Variants in ST8SIA5 observed in about 807,000 individuals in gnomAD.
The protein encoded by ST8SIA5 is ST8 alpha-N-acetyl-neuraminide alpha-2,8-sialyltransferase 5.
A neutral mutation model predicts 40.2 loss-of-function variants in ST8SIA5; 24 were observed. That is an observed-to-expected ratio of 0.60 (90% confidence interval 0.43 to 0.84). The LOEUF (loss-of-function observed/expected upper bound fraction) is 0.84, where lower values mean the gene tolerates loss of function less well. ST8SIA5 is among the 40% of genes least tolerant of loss of function. The pLI is 0.00. For synonymous variants in ST8SIA5, 198 were observed against 201.8 expected (o/e 0.98, Z 0.16); for missense variants, 465 against 498.5 (o/e 0.93, Z 0.64).
At chr18:46,730,984 T>A (rs1452223667) in intron 1 of ST8SIA5, among the ~76,000 whole-genome samples, 1 of 152,020 alleles carries the variant, frequency 6.6e-6, no homozygotes, top group African/African-American at 2.4e-5. Flanking sequence ...ACCCTGCGTC[T>A]AAAAAAGAAA....
intron 1 of ST8SIA5, among the ~76,000 whole-genome samples, chr18:46,707,826 A>T (rs2039684446): frequency 6.6e-6 from 1 of 152,218 alleles, no homozygotes; most frequent in East Asian, 1.9e-4. Context: ...GTAAGGATAC[A>T]GCAAGGAGAT....
Position 46,718,351 on chromosome 18 carries a change from A to G in ST8SIA5, c.132-13687T>C, listed in dbSNP as rs552444616. Among the ~76,000 whole-genome samples the G allele has an allele frequency of 2.9e-4, 44 of 152,156 alleles. No homozygotes were observed. The South Asian group carries it at 6.7e-3, about 23-fold the overall frequency. ...TCTCAAAAAAAAAAAAAAAAGAAAAAAAATTATTCCTATATGCTCATTAAA... is the reference window on the plus strand; with the variant it reads ...TCTCAAAAAAAAAAAAAAAAGAAAAGAAATTATTCCTATATGCTCATTAAA... On this transcript the variant is annotated intron_variant, in intron 1 of 6. Coordinates refer to ENST00000315087, the MANE Select transcript of ST8SIA5 (RefSeq NM_013305.6).
chr18:46,743,987 T>C (rs559886817), intron 1 of ST8SIA5, among the ~76,000 whole-genome samples: 1 of 152,178 alleles, frequency 6.6e-6, no homozygotes, highest in Admixed American at 6.5e-5. Context: ...GAAGGAGAAA[T>C]AAAATCTTTT....
intron 1 of ST8SIA5, among the ~76,000 whole-genome samples, chr18:46,719,718 C>CTTTCTTTCTTTCTTTCTCTCTTTCTT (rs1568267828): frequency 1.3e-5 from 2 of 149,814 alleles, no homozygotes; most frequent in East Asian, 2.0e-4. Context: ...CTCTTTCTTT[C>CTTTCTTTCTTTCTTTCTCTCTTTCTT]TCTCTTTCTC....
chr18:46,691,378 A>G (rs958094748), intron 3 of ST8SIA5: 1 of 152,240 alleles, frequency 6.6e-6, no homozygotes, highest in South Asian at 2.1e-4. Context: ...TGCTTTTCAC[A>G]ATCTTGTGCA....
At chr18:46,705,870 G>C (rs2039665472) in intron 1 of ST8SIA5, among the ~76,000 whole-genome samples, 1 of 152,210 alleles carries the variant, frequency 6.6e-6, no homozygotes, top group Non-Finnish European at 1.5e-5. Flanking sequence ...TGGAAATTAG[G>C]CATCGCTCAA....
At chr18:46,690,981 C>T (rs959279951) in intron 3 of ST8SIA5, among the ~76,000 whole-genome samples, 4 of 152,218 alleles carry the variant, frequency 2.6e-5, no homozygotes, top group Non-Finnish European at 5.9e-5. Context: ...CTGACCTGGT[C>T]CAGGCTGAGT....
intron 1 of ST8SIA5, among the ~76,000 whole-genome samples, chr18:46,709,463 G>T (rs186393150): frequency 6.6e-6 from 1 of 152,132 alleles, no homozygotes; most frequent in African/African-American, 2.4e-5. Flanking sequence ...CAGCCCAAAA[G>T]AACTAAGATA....
chr18:46,756,565 G>C lies in ST8SIA5; in HGVS notation c.-57C>G. 1.9e-6 allele frequency: 3 copies of C among 1,581,604 alleles called. No individual in the cohort carries two copies. The South Asian group carries it at 3.4e-5, about 18-fold the overall frequency. ...CGGGGCGGCCAGGCAATGACTCGCG[G>C]GGTTCCGGGGCCCCGGGGGGCGCGC... On this transcript the variant is annotated 5_prime_UTR_variant, in exon 1 of 7. Transcript: ENST00000315087.
At chr18:46,701,130 CTTTTTTT>C (rs755571106) in intron 2 of ST8SIA5, among the ~76,000 whole-genome samples, 5 of 45,794 alleles carry the variant, frequency 1.1e-4, no homozygotes, top group African/African-American at 1.7e-4. Flanking sequence ...GAGATAGGGC[CTTTTTTT>C]TTTTTTTTTT....
Position 46,756,358 on chromosome 18 carries a change from C to T in ST8SIA5, c.131+20G>A, listed in dbSNP as rs1445585854. ...GCCGGCCGGCTCCGCGCATCCCGCC[C>T]TCTCAATGGACTTTCTTACCTCTTA... is the stretch of plus-strand genomic sequence containing the variant. On this transcript the variant is annotated intron_variant, in intron 1 of 6. Coordinates refer to ENST00000315087, the MANE Select transcript of ST8SIA5 (RefSeq NM_013305.6). The T allele has an allele frequency of 1.2e-6, 2 of 1,608,778 alleles. No individual in the cohort carries two copies. Among genetic ancestry groups the T allele is most frequent in the South Asian group, 2.2e-5 (2 of 90,672 alleles).
intron 1 of ST8SIA5, among the ~76,000 whole-genome samples, chr18:46,748,500 G>A (rs1254868657): frequency 7.2e-6 from 1 of 139,820 alleles, no homozygotes; most frequent in African/African-American, 2.7e-5. Flanking sequence ...GGAGGCAGAG[G>A]TTGCACTGAG....
At chr18:46,695,610 C>T (rs968336652) in intron 2 of ST8SIA5, among the ~76,000 whole-genome samples, 2 of 152,232 alleles carry the variant, frequency 1.3e-5, no homozygotes, top group African/African-American at 2.4e-5. Context: ...ACTGCCCTGA[C>T]TATGCTCACT....
At chr18:46,719,522 C>T (rs2039829967) in intron 1 of ST8SIA5, among the ~76,000 whole-genome samples, 1 of 152,102 alleles carries the variant, frequency 6.6e-6, no homozygotes, top group South Asian at 2.1e-4. Context: ...GAAGGAAAGA[C>T]AAAAGATACT....
intron 1 of ST8SIA5, among the ~76,000 whole-genome samples, chr18:46,735,673 T>C (rs2040027085): frequency 6.6e-6 from 1 of 152,168 alleles, no homozygotes; most frequent in Admixed American, 6.5e-5. Flanking sequence ...AATGTAGCAG[T>C]GCTGTCATAG....
At chr18:46,708,076 G>A (rs541879510) in intron 1 of ST8SIA5, among the ~76,000 whole-genome samples, 1 of 152,270 alleles carries the variant, frequency 6.6e-6, no homozygotes, top group Non-Finnish European at 1.5e-5. Flanking sequence ...AAACACTGCT[G>A]AGCATTTCAT....
intron 1 of ST8SIA5, among the ~76,000 whole-genome samples, chr18:46,722,010 G>A (rs1040968464): frequency 5.9e-5 from 9 of 152,228 alleles, no homozygotes; most frequent in African/African-American, 1.9e-4. Flanking sequence ...CATGCATGTC[G>A]GGAGAAGGCC....
chr18:46,699,176 G>A (rs772016659), intron 2 of ST8SIA5, among the ~76,000 whole-genome samples: 4 of 152,136 alleles, frequency 2.6e-5, no homozygotes, highest in Non-Finnish European at 5.9e-5. Flanking sequence ...TGCAGAGTAG[G>A]AATAATTTTA....
intron 1 of ST8SIA5, among the ~76,000 whole-genome samples, chr18:46,722,218 G>A (rs953162891): frequency 3.3e-5 from 5 of 152,174 alleles, no homozygotes; most frequent in African/African-American, 1.2e-4. Flanking sequence ...ATTGTTTGAA[G>A]TCTGCACAAA....
Sources: allele counts gnomAD v4.1 joint callset (sites outside exome capture counted in the v4.1 genomes callset), GRCh38; gene constraint gnomAD v4.1.1; transcripts MANE v1.5; gene names NCBI Gene and HGNC (gene_info 2026-07-23, HGNC 2026-07-21).